GOLM1: variants seen among roughly 807,000 people sequenced by gnomAD.
GOLM1 encodes epididymis luminal protein 46.
In GOLM1, 31 loss-of-function variants were observed where a neutral mutation model predicts 50.5. The observed-to-expected ratio is 0.61, with a 90% CI of 0.46 to 0.83. The LOEUF is 0.83. GOLM1 is among the 40% of genes least tolerant of loss of function. The pLI, the probability that GOLM1 is intolerant of heterozygous loss-of-function variation, is 0.00. For synonymous variants in GOLM1, 178 were observed against 192.8 expected (o/e 0.92, Z 0.64); for missense variants, 491 against 501.3 (o/e 0.98, Z 0.20).
intron 2 of GOLM1, 83 bp downstream of exon 2, chr9:86,079,109 C>A (rs1834709796): frequency 1.2e-5 from 16 of 1,294,270 alleles, no homozygotes; most frequent in South Asian, 3.3e-5. Flanking sequence ...TGGCAATAAA[C>A]AACAAACCCC....
chr9:86,092,357 G>T (rs12338072), intron 1 of GOLM1, among the ~76,000 whole-genome samples: 9,876 of 152,204 alleles, frequency 0.065, 1,033 homozygotes, highest in African/African-American at 0.22. Flanking sequence ...ATAGCAACCA[G>T]TCCTCCTCTT....
chr9:86,035,307 G>A, intron 8 of GOLM1, 61 bp downstream of exon 8: 1 of 1,583,918 alleles, frequency 6.3e-7, no homozygotes, highest in Non-Finnish European at 8.6e-7. Context: ...GAAGGACATG[G>A]AGGTGGGCTG....
At chr9:86,088,297 A>G (rs1835042309) in intron 1 of GOLM1, among the ~76,000 whole-genome samples, 1 of 150,906 alleles carries the variant, frequency 6.6e-6, no homozygotes, top group Non-Finnish European at 1.5e-5. Flanking sequence ...CCCCTTTACC[A>G]TTTTTTATTG....
At chr9:86,050,826 A>G (rs1285302019) in intron 4 of GOLM1, among the ~76,000 whole-genome samples, 2 of 152,074 alleles carry the variant, frequency 1.3e-5, no homozygotes, top group Non-Finnish European at 2.9e-5. Flanking sequence ...TCCTGGATTC[A>G]TTGATTTTTT....
At chr9:86,028,670 C>A (rs563028714) in intron 9 of GOLM1, among the ~76,000 whole-genome samples, 56 of 152,224 alleles carry the variant, frequency 3.7e-4, no homozygotes, top group African/African-American at 1.3e-3. Flanking sequence ...CAACACACAC[C>A]CAGTGGGGCT....
At chr9:86,055,041 C>T (rs1299663354) in intron 3 of GOLM1, among the ~76,000 whole-genome samples, 4 of 152,190 alleles carry the variant, frequency 2.6e-5, no homozygotes, top group African/African-American at 7.2e-5. Flanking sequence ...TGCAACCATC[C>T]TGTTTTCTCA....
At chr9:86,093,631 G>A (rs1835255505) in intron 1 of GOLM1, among the ~76,000 whole-genome samples, 1 of 131,518 alleles carries the variant, frequency 7.6e-6, no homozygotes, top group Non-Finnish European at 1.5e-5. Context: ...CTTACCTACT[G>A]GCTTAATTTA....
At position 86,026,176 on chromosome 9, in the gene GOLM1, A is replaced by G. The variant is rs1832774452; in HGVS notation, c.*1641T>C. On this transcript the variant is annotated 3_prime_UTR_variant, in exon 10 of 10. Transcript: ENST00000388712. ...TGAACAGAACATTTTATTTCTCAGC[A>G]ATTCTATGCGTACAAATTAAACATG... 5 of 983,814 alleles carry G rather than the reference A, an allele frequency of 5.1e-6. No individual in the cohort carries two copies. Among genetic ancestry groups the G allele is most frequent in the Non-Finnish European group, 4.8e-6 (4 of 828,462 alleles). The allele number at this position is 983,814 out of a possible 1,614,324, so 60.9% of individuals were successfully genotyped here.
At chr9:86,031,449 G>GT (rs774806772) in intron 9 of GOLM1, among the ~76,000 whole-genome samples, 29,331 of 79,588 alleles carry the variant, frequency 0.37, 5,921 homozygotes, top group Non-Finnish European at 0.48. Context: ...TACCACTGAG[G>GT]TTTTTTTTTT....
intron 3 of GOLM1, among the ~76,000 whole-genome samples, chr9:86,057,966 T>C (rs947074939): frequency 1.3e-5 from 2 of 152,234 alleles, no homozygotes; most frequent in African/African-American, 4.8e-5. Context: ...AGGACCCTTA[T>C]CTAATCCAAG....
In GOLM1 at chr9:86,026,514, T is replaced by G. The variant is rs1755951915; in HGVS notation, c.*1303A>C. ...CGCACCAGCTAGATGCTCTGTAACTTCTAGGCCCCATTTTCCCCTCTGAAA... is the reference window on the plus strand; with the variant it reads ...CGCACCAGCTAGATGCTCTGTAACTGCTAGGCCCCATTTTCCCCTCTGAAA... On this transcript the variant is annotated 3_prime_UTR_variant, in exon 10 of 10. Coordinates refer to ENST00000388712, the MANE Select transcript of GOLM1 (RefSeq NM_016548.4). The G allele has an allele frequency of 1.1e-5, 10 of 887,146 alleles. No individual in the cohort carries two copies. The highest frequency in any genetic ancestry group is 1.4e-5 in the Non-Finnish European group (10 of 740,394). The allele number at this position is 887,146 out of a possible 1,614,324, so 55.0% of individuals were successfully genotyped here.
Position 86,033,064 on chromosome 9 carries a change from C to T in GOLM1, c.1129+218G>A, listed in dbSNP as rs766629401. On this transcript the variant is annotated intron_variant, in intron 9 of 9. Transcript: ENST00000388712. Reference sequence around the variant, plus strand: ...GCCACACTGAATATGTTTCTAGAAACGATGCAGACTTTCCGAATGGTTTTC... The same window carrying T: ...GCCACACTGAATATGTTTCTAGAAATGATGCAGACTTTCCGAATGGTTTTC... Among the ~76,000 whole-genome samples the T allele has an allele frequency of 3.3e-5, 5 of 152,158 alleles. No homozygotes were observed. In the East Asian group the frequency reaches 5.8e-4, roughly 18 times the overall value.
chr9:86,078,689 A>G (rs1834695467), intron 2 of GOLM1, among the ~76,000 whole-genome samples: 1 of 152,226 alleles, frequency 6.6e-6, no homozygotes, highest in South Asian at 2.1e-4. Flanking sequence ...GTCACTGCTC[A>G]GCACTGCACC....
chr9:86,054,506 G>A (rs549059857), intron 3 of GOLM1, among the ~76,000 whole-genome samples: 2 of 152,178 alleles, frequency 1.3e-5, no homozygotes, highest in Non-Finnish European at 2.9e-5. Flanking sequence ...TTACAGGCGT[G>A]AGCCACTGCG....
At chr9:86,087,225 G>C (rs1194713329) in intron 1 of GOLM1, among the ~76,000 whole-genome samples, 1 of 152,158 alleles carries the variant, frequency 6.6e-6, no homozygotes, top group Admixed American at 6.6e-5. Context: ...TTGTGAATGG[G>C]AGCTCATTCA....
intron 3 of GOLM1, among the ~76,000 whole-genome samples, chr9:86,054,180 C>T (rs1436707033): frequency 6.6e-6 from 1 of 151,992 alleles, no homozygotes; most frequent in Non-Finnish European, 1.5e-5. Flanking sequence ...GAGTGTCAAG[C>T]TCAATGTAAC....
At chr9:86,074,682 C>CT (rs1834558964) in intron 3 of GOLM1, among the ~76,000 whole-genome samples, 1 of 152,202 alleles carries the variant, frequency 6.6e-6, no homozygotes, top group Non-Finnish European at 1.5e-5. Context: ...GAGCCCCAAT[C>CT]TCGTCAGACT....
intron 3 of GOLM1, among the ~76,000 whole-genome samples, chr9:86,069,722 C>G (rs899759696): frequency 6.6e-6 from 1 of 152,154 alleles, no homozygotes; most frequent in Non-Finnish European, 1.5e-5. Context: ...CTGAGGCCAG[C>G]AATGACACCT....
intron 4 of GOLM1, among the ~76,000 whole-genome samples, chr9:86,050,380 C>T (rs141150197): frequency 0.051 from 7,742 of 152,126 alleles, 256 homozygotes; most frequent in African/African-American, 0.093. Context: ...GCTGGCCTCA[C>T]AAAATGAGTT....
Sources: gnomAD v4.1 joint callset for allele counts (sites outside exome capture counted in the v4.1 genomes callset) on GRCh38, gnomAD v4.1.1 for gene constraint, MANE v1.5 for transcripts, NCBI Gene and HGNC (gene_info 2026-07-23, HGNC 2026-07-21) for gene names.